Variants in MEI1 observed in about 807,000 individuals in gnomAD.
MEI1 encodes the protein meiosis inhibitor protein 1.
In MEI1, 103 loss-of-function variants were observed where a neutral mutation model predicts 146.2. The ratio of observed to expected loss-of-function variants is 0.70; its 90% confidence interval spans 0.60 to 0.83. The LOEUF is 0.83. Ranked by LOEUF, MEI1 falls within the 40% of genes least tolerant of loss-of-function variation. The pLI is 0.00. For synonymous variants in MEI1, 652 were observed against 628.2 expected, an observed-to-expected ratio of 1.04 and a Z score of -0.57; for missense variants, 1,529 against 1,533.0, an observed-to-expected ratio of 1.00 and a Z score of 0.04.
At chr22:41,756,632 C>G (rs2147901929) in intron 17 of MEI1, among the ~76,000 whole-genome samples, 1 of 151,934 alleles carries the variant, frequency 6.6e-6, no homozygotes, top group South Asian at 2.1e-4. Flanking sequence ...TGCCACCACG[C>G]TTGTCTAATT....
At chr22:41,793,032 C>CTTTTTTTTTTTTTTTTTTTTTT (rs869223251) in intron 26 of MEI1, among the ~76,000 whole-genome samples, 1 of 48,398 alleles carries the variant, frequency 2.1e-5, no homozygotes, top group Admixed American at 3.7e-4. Context: ...ACAAAGCATT[C>CTTTTTTTTTTTTTTTTTTTTTT]TTTTTTTTTT....
intron 11 of MEI1, among the ~76,000 whole-genome samples, chr22:41,737,745 T>C (rs2072505405): frequency 6.6e-6 from 1 of 152,130 alleles, no homozygotes; most frequent in Middle Eastern, 3.2e-3. Flanking sequence ...CCCACTAAAA[T>C]ATAAGCTCCA....
At chr22:41,708,840 A>T (rs1286837300) in intron 3 of MEI1, among the ~76,000 whole-genome samples, 2 of 152,166 alleles carry the variant, frequency 1.3e-5, no homozygotes, top group Non-Finnish European at 2.9e-5. Flanking sequence ...GTCCCAACAG[A>T]TGTCTGGGTC....
At chr22:41,726,975 G>A (rs1391262547) in intron 7 of MEI1, among the ~76,000 whole-genome samples, 4 of 151,856 alleles carry the variant, frequency 2.6e-5, no homozygotes, top group East Asian at 1.9e-4. Flanking sequence ...GAGTTTCACC[G>A]TGTTAGCCAG....
intron 26 of MEI1, among the ~76,000 whole-genome samples, chr22:41,793,032 CTTTTTT>C (rs869223251): frequency 2.1e-5 from 1 of 48,452 alleles, no homozygotes; most frequent in Non-Finnish European, 5.6e-5. Flanking sequence ...ACAAAGCATT[CTTTTTT>C]TTTTTTTTTT....
chr22:41,763,293 G>T lies in MEI1; in HGVS notation c.2240G>T (p.Cys747Phe). The T allele has an allele frequency of 6.2e-7, 1 of 1,613,908 alleles. No individual in the cohort carries two copies. The highest frequency in any genetic ancestry group is 8.5e-7 in the Non-Finnish European group (1 of 1,179,870). Residue 747 changes from cysteine to phenylalanine, a missense_variant, in exon 19 of 31, where the codon TGC becomes TTC. Physicochemically the swap from Cys to Phe is radical, Grantham distance 205. Transcript: ENST00000401548. ...GCCTCCATCTATCTGCTTGCAATCT[G>T]CCAGGACAAAGACAATACACTACGT... ...FKASIYLLAI[C>F]QDKDNTLRET...
At chr22:41,726,681 A>G (rs1376517883) in intron 7 of MEI1, among the ~76,000 whole-genome samples, 1 of 152,160 alleles carries the variant, frequency 6.6e-6, no homozygotes, top group Non-Finnish European at 1.5e-5. Flanking sequence ...TTTCTTTCTT[A>G]GTGGTACATA....
chr22:41,720,242 G>A (rs902990784), intron 6 of MEI1, among the ~76,000 whole-genome samples: 6 of 152,078 alleles, frequency 3.9e-5, no homozygotes, highest in Admixed American at 1.3e-4. Context: ...AGAGCACGAG[G>A]TATGAAGCAG....
intron 30 of MEI1, among the ~76,000 whole-genome samples, chr22:41,796,768 G>A (rs2076374114): frequency 6.6e-6 from 1 of 152,048 alleles, no homozygotes; most frequent in Non-Finnish European, 1.5e-5. Flanking sequence ...CCAACATGGT[G>A]AAACCTCATC....
chr22:41,762,708 T>A (rs2074578600), intron 18 of MEI1, among the ~76,000 whole-genome samples: 1 of 152,148 alleles, frequency 6.6e-6, no homozygotes. Context: ...CTTAGTGGTA[T>A]CTTTTAAGCA....
At chr22:41,792,411 G>C (rs974683278) in intron 26 of MEI1, among the ~76,000 whole-genome samples, 1 of 152,200 alleles carries the variant, frequency 6.6e-6, no homozygotes. Context: ...AAAATGTTTA[G>C]CAAGTCACTT....
intron 15 of MEI1, among the ~76,000 whole-genome samples, chr22:41,750,481 C>G (rs958325546): frequency 6.6e-6 from 1 of 152,146 alleles, no homozygotes; most frequent in Non-Finnish European, 1.5e-5. Context: ...GAAGCCAGAC[C>G]AGAGTGAGTT....
chr22:41,764,644 C>T (rs914266518), intron 19 of MEI1, among the ~76,000 whole-genome samples: 8 of 152,214 alleles, frequency 5.3e-5, no homozygotes, highest in African/African-American at 1.2e-4. Context: ...ATGAATCAGA[C>T]GTGGTCCTTG....
intron 11 of MEI1, among the ~76,000 whole-genome samples, chr22:41,740,416 G>A (rs990357601): frequency 2.0e-5 from 3 of 152,034 alleles, no homozygotes; most frequent in Non-Finnish European, 1.5e-5. Context: ...AGCACAACTA[G>A]AAGGAAGAAT....
At chr22:41,719,085 C>G (rs965862158) in intron 6 of MEI1, among the ~76,000 whole-genome samples, 10 of 151,720 alleles carry the variant, frequency 6.6e-5, no homozygotes, top group Admixed American at 6.6e-4. Flanking sequence ...CGGGTTCACA[C>G]CATTCTCCTG....
intron 11 of MEI1, among the ~76,000 whole-genome samples, chr22:41,740,774 G>T (rs1300494783): frequency 6.6e-6 from 1 of 152,014 alleles, no homozygotes; most frequent in Non-Finnish European, 1.5e-5. Flanking sequence ...ATTTAAAGGT[G>T]GTGGAACTAG....
At position 41,732,272 on chromosome 22, in the gene MEI1, A is replaced by G. The variant is rs2147588954; in HGVS notation, c.1124A>G (p.Gln375Arg). 1.2e-6 allele frequency: 2 copies of G among 1,611,768 alleles called. No individual in the cohort carries two copies. The highest frequency in any genetic ancestry group is 2.2e-5 in the South Asian group (2 of 90,444). ...YGIEAVVRSL[Q>R]GSLKMNNIEL... ...ATCGAGGCAGTGGTGAGGAGCCTGC[A>G]GGGAAGCCTGAAGATGAACAACATA... The change falls in exon 10 of 31, where the codon CAG becomes CGG. Residue 375 changes from glutamine (Q) to arginine (R), a missense_variant. Transcript: ENST00000401548.
intron 19 of MEI1, among the ~76,000 whole-genome samples, chr22:41,769,950 C>T (rs2075081033): frequency 6.6e-6 from 1 of 151,312 alleles, no homozygotes; most frequent in Non-Finnish European, 1.5e-5. Flanking sequence ...GCCTGACCAA[C>T]ATGGAGGAAC....
At position 41,699,598 on chromosome 22, in the gene MEI1, G is replaced by A. The variant is rs775585811; in HGVS notation, c.60G>A (p.Ala20=). 3.1e-6 allele frequency: 5 copies of A among 1,612,688 alleles called. No individual in the cohort carries two copies. The highest frequency in any genetic ancestry group is 2.2e-5 in the South Asian group (2 of 91,002). Residue 20 remains alanine, a synonymous_variant, in exon 1 of 31, where the codon GCG becomes GCA. Transcript: ENST00000401548. The part of the protein sequence containing the change: ...GTPGPRREEE[A]ALLFERAHYR... ...CCGGGCCCAGGAGAGAGGAAGAGGC[G>A]GCGCTTCTATTCGAGAGGGCCCATT...
Sources: gnomAD v4.1 joint callset for allele counts (sites outside exome capture counted in the v4.1 genomes callset) on GRCh38, gnomAD v4.1.1 for gene constraint, MANE v1.5 for transcripts, NCBI Gene and HGNC (gene_info 2026-07-23, HGNC 2026-07-21) for gene names.